CLASP1: variants seen among roughly 807,000 people sequenced by gnomAD.
CLASP1 encodes CLIP-associating protein 1.
CLASP1 carries 38 observed loss-of-function variants against 192.3 expected under a neutral mutation model. That is an observed-to-expected ratio of 0.20 (90% confidence interval 0.15 to 0.26). The LOEUF (loss-of-function observed/expected upper bound fraction) is 0.26. CLASP1 is among the 10% of genes least tolerant of loss of function. The pLI, the probability that CLASP1 is intolerant of heterozygous loss-of-function variation, is 1.00. For missense variants in CLASP1, 1,433 were observed against 1,932.5 expected (o/e 0.74, Z 4.85); for synonymous variants, 691 against 712.8 (o/e 0.97, Z 0.49).
chr2:121,357,943 T>C (rs887731468), intron 37 of CLASP1, among the ~76,000 whole-genome samples: 3 of 152,226 alleles, frequency 2.0e-5, no homozygotes, highest in Non-Finnish European at 4.4e-5. Context: ...CCTAAGGAAC[T>C]CTTCCTTGAC....
chr2:121,403,623 T>A (rs2076458711), intron 26 of CLASP1, among the ~76,000 whole-genome samples: 1 of 152,184 alleles, frequency 6.6e-6, no homozygotes, highest in Non-Finnish European at 1.5e-5. Flanking sequence ...TCTAAAAGCA[T>A]CTAATAGTCT....
intron 2 of CLASP1, among the ~76,000 whole-genome samples, chr2:121,549,479 C>A (rs956547551): frequency 6.6e-6 from 1 of 152,012 alleles, no homozygotes; most frequent in African/African-American, 2.4e-5. Flanking sequence ...TACACTCCCA[C>A]AAAATAATAC....
At chr2:121,557,227 T>C (rs1381892923) in intron 2 of CLASP1, among the ~76,000 whole-genome samples, 1 of 152,204 alleles carries the variant, frequency 6.6e-6, no homozygotes, top group Non-Finnish European at 1.5e-5. Context: ...AAGTTTTGTT[T>C]GTGCCTTTCT....
chr2:121,513,641 G>A (rs2094204558), intron 7 of CLASP1, among the ~76,000 whole-genome samples: 1 of 152,170 alleles, frequency 6.6e-6, no homozygotes, highest in Admixed American at 6.5e-5. Flanking sequence ...TCACAGCTGT[G>A]ATTTTTTATA....
Position 121,397,319 on chromosome 2 carries a change from T to C in CLASP1, c.2980-36A>G, listed in dbSNP as rs763524661. The C allele has an allele frequency of 2.5e-6, 4 of 1,581,360 alleles. No individual in the cohort carries two copies. In the African/African-American group the frequency reaches 4.0e-5, roughly 16 times the overall value. On this transcript the variant is annotated intron_variant, in intron 29 of 39. Coordinates refer to ENST00000263710, the Ensembl canonical transcript of CLASP1. The stretch of plus-strand genomic sequence containing the variant: ...CAATAATTATAAACATTAAGTACAC[T>C]TGATGAATCTTTGAACACAATTCTT...
rs79370274 is a variant in CLASP1, at chr2:121,648,799, G to T, written c.-286+573C>A. ...CTCTTCGAAGGCCCCGGGAACCAAG[G>T]GGACCTTGTGCATCCCATCAAGCCG... On this transcript the variant is annotated intron_variant, in intron 1 of 39. Transcript: ENST00000263710. Among the ~76,000 whole-genome samples the T allele has an allele frequency of 2.0e-3, 300 of 152,342 alleles. 1 individual carries two copies. Among genetic ancestry groups the T allele is most frequent in the African/African-American group, 6.9e-3 (287 of 41,576 alleles).
chr2:121,361,764 T>C (rs2066452814), intron 37 of CLASP1, among the ~76,000 whole-genome samples: 1 of 152,222 alleles, frequency 6.6e-6, no homozygotes, highest in Non-Finnish European at 1.5e-5. Flanking sequence ...TCATCTGGTC[T>C]TCACGTTTTT....
chr2:121,382,966 G>A (rs1214655190), intron 32 of CLASP1, among the ~76,000 whole-genome samples: 3 of 152,232 alleles, frequency 2.0e-5, no homozygotes, highest in East Asian at 3.8e-4. Context: ...AGAGTGCTGG[G>A]TCATAAAAAC....
intron 7 of CLASP1, among the ~76,000 whole-genome samples, chr2:121,512,548 A>T (rs953697224): frequency 4.6e-5 from 7 of 152,206 alleles, no homozygotes; most frequent in Admixed American, 6.5e-5. Context: ...GTAAGCAGGG[A>T]GACCCTCTAA....
At chr2:121,413,884 G>A (rs1266861521) in intron 23 of CLASP1, among the ~76,000 whole-genome samples, 1 of 152,104 alleles carries the variant, frequency 6.6e-6, no homozygotes, top group African/African-American at 2.4e-5. Context: ...GTGGCAGGAA[G>A]GGAATTACTT....
intron 37 of CLASP1, among the ~76,000 whole-genome samples, chr2:121,357,149 C>CA (rs1479948189): frequency 6.6e-6 from 1 of 152,112 alleles, no homozygotes; most frequent in East Asian, 1.9e-4. Context: ...AAGCAGTAGT[C>CA]AAAAAATACA....
Position 121,528,671 on chromosome 2 carries a change from C to A in CLASP1, c.378+6G>T. ...GCTGACCTCAAAACACATCTCTTGC[C>A]CCTACCTGGGGATTAGCAGCTTGAT... On this transcript the variant is annotated splice_donor_region_variant and intron_variant, in intron 4 of 39. Transcript: ENST00000263710. 6.2e-7 allele frequency: 1 copy of A among 1,613,602 alleles called. No homozygotes were observed. Among genetic ancestry groups the A allele is most frequent in the Non-Finnish European group, 8.5e-7 (1 of 1,179,508 alleles).
At chr2:121,444,953 G>A (rs1273827230) in intron 19 of CLASP1, 4 of 1,359,246 alleles carry the variant, frequency 2.9e-6, no homozygotes, top group Non-Finnish European at 3.9e-6. Context: ...CGCTTTAGTG[G>A]TAGTACCATC....
chr2:121,593,045 A>G (rs746236019), intron 2 of CLASP1, among the ~76,000 whole-genome samples: 5 of 152,226 alleles, frequency 3.3e-5, no homozygotes, highest in African/African-American at 4.8e-5. Context: ...CTATCTCCCC[A>G]CAAGATATCT....
chr2:121,407,777 G>C, intron 24 of CLASP1, 62 bp from the exon 26 acceptor site: 2 of 1,584,926 alleles, frequency 1.3e-6, no homozygotes, highest in South Asian at 1.1e-5. Context: ...AAATGACTGT[G>C]AGTCACACCA....
At chr2:121,471,337 T>C (rs1288261797) in intron 8 of CLASP1, among the ~76,000 whole-genome samples, 1 of 152,044 alleles carries the variant, frequency 6.6e-6, no homozygotes, top group Non-Finnish European at 1.5e-5. Flanking sequence ...TGCAAACACT[T>C]TAATGATGCA....
At chr2:121,571,016 C>T (rs1458182271) in intron 2 of CLASP1, among the ~76,000 whole-genome samples, 2 of 151,704 alleles carry the variant, frequency 1.3e-5, no homozygotes, top group Non-Finnish European at 2.9e-5. Flanking sequence ...TAAAGCTATA[C>T]TGAATTGGGA....
At chr2:121,410,393 A>C (rs2077524062) in intron 24 of CLASP1, among the ~76,000 whole-genome samples, 1 of 152,178 alleles carries the variant, frequency 6.6e-6, no homozygotes, top group Non-Finnish European at 1.5e-5. Context: ...AACAACATAA[A>C]ATCAAACAGA....
At chr2:121,588,303 G>A (rs560004320) in intron 2 of CLASP1, among the ~76,000 whole-genome samples, 23 of 151,498 alleles carry the variant, frequency 1.5e-4, no homozygotes, top group African/African-American at 5.6e-4. Flanking sequence ...TCTTAAAGCA[G>A]AATATAATCC....
Sources: gnomAD v4.1 joint callset for allele counts (sites outside exome capture counted in the v4.1 genomes callset) on GRCh38, gnomAD v4.1.1 for gene constraint, MANE v1.5 for transcripts, NCBI Gene and HGNC (gene_info 2026-07-23, HGNC 2026-07-21) for gene names.